The following ANO2 variants were observed in gnomAD, a reference collection of about 807,000 sequenced individuals.
ANO2 encodes anoctamin-2.
A neutral mutation model predicts 124.2 loss-of-function variants in ANO2; 101 were observed. The ratio of observed to expected loss-of-function variants is 0.81; its 90% confidence interval spans 0.69 to 0.96. ANO2 has a LOEUF of 0.96. Ranked by LOEUF, ANO2 falls within the 40% of genes least tolerant of loss-of-function variation. The pLI, the probability that ANO2 is intolerant of heterozygous loss-of-function variation, is 0.00. For synonymous variants in ANO2, 486 were observed against 482.5 expected, an observed-to-expected ratio of 1.01 and a Z score of -0.09; for missense variants, 1,293 against 1,274.5, an observed-to-expected ratio of 1.01 and a Z score of -0.22.
At chr12:5,930,416 A>C (rs2136315524) in intron 1 of ANO2, among the ~76,000 whole-genome samples, 1 of 152,236 alleles carries the variant, frequency 6.6e-6, no homozygotes, top group South Asian at 2.1e-4. Context: ...GAAGGCCAGC[A>C]GTGGATGAGT....
intron 14 of ANO2, among the ~76,000 whole-genome samples, chr12:5,700,506 T>C (rs1949359749): frequency 1.3e-5 from 2 of 151,940 alleles, no homozygotes; most frequent in Admixed American, 1.3e-4. Context: ...CTAAAATCAA[T>C]ACCCTAACAT....
intron 16 of ANO2, among the ~76,000 whole-genome samples, chr12:5,625,428 G>A (rs1945348950): frequency 6.6e-6 from 1 of 152,070 alleles, no homozygotes; most frequent in Admixed American, 6.6e-5. Flanking sequence ...GAAAGAGAGA[G>A]CCAGGATAGC....
chr12:5,635,288 G>A lies in ANO2; in HGVS notation c.1680C>T (p.Ala560=), dbSNP rs370127571. The change falls in exon 16 of 25, where the codon GCC becomes GCT. Residue 560 remains alanine, a synonymous_variant. Transcript: ENST00000682330. The surrounding 1 kb of genome is among the most constrained non-coding windows in gnomAD (Gnocchi z 5.2). ...GVIVYRITTA[A]ALSLNKATRS... The stretch of plus-strand genomic sequence containing the variant: ...GTGTAGCCTTATTGAGAGACAGAGC[G>A]GCTGCAGTTGTTATTCGATACACTA... 5.1e-5 allele frequency: 82 copies of A among 1,609,154 alleles called. No homozygotes were observed. Among genetic ancestry groups the A allele is most frequent in the African/African-American group, 9.4e-5 (7 of 74,546 alleles).
chr12:5,901,460 G>A (rs1214737439), intron 3 of ANO2, among the ~76,000 whole-genome samples: 6 of 152,168 alleles, frequency 3.9e-5, no homozygotes, highest in South Asian at 2.1e-4. Flanking sequence ...AGAAAGGTTC[G>A]GGTCAGACTC....
chr12:5,589,178 T>C (rs746026625), intron 20 of ANO2, among the ~76,000 whole-genome samples: 3 of 152,166 alleles, frequency 2.0e-5, no homozygotes, highest in Non-Finnish European at 4.4e-5. Context: ...AACTTCATCT[T>C]CTCTCCCACC....
rs117819819 is a variant in ANO2 at position 5,821,787 on chromosome 12, T to C, written c.892+5982A>G. Among the ~76,000 whole-genome samples, 351 of 152,246 alleles carry C rather than the reference T, an allele frequency of 2.3e-3. 3 individuals carry two copies. The highest frequency in any genetic ancestry group is 3.6e-3 in the Non-Finnish European group (243 of 68,008). On this transcript the variant is annotated intron_variant, in intron 7 of 24. Coordinates refer to ENST00000682330, the MANE Select transcript of ANO2 (RefSeq NM_001364791.2). ...CCTTCTGACCCATCTAACCATAAAG[T>C]GGGTCATGAACAGCAGCATTCCATC...
intron 14 of ANO2, among the ~76,000 whole-genome samples, chr12:5,716,072 G>A (rs1406106372): frequency 6.6e-6 from 1 of 152,078 alleles, no homozygotes; most frequent in African/African-American, 2.4e-5. Context: ...ATTAAAAAAG[G>A]GTTATAGTGG....
chr12:5,711,742 G>A (rs553081301), intron 14 of ANO2, among the ~76,000 whole-genome samples: 8 of 152,240 alleles, frequency 5.3e-5, no homozygotes, highest in South Asian at 2.1e-4. Flanking sequence ...TAATGTGCAC[G>A]CAATCATCAT....
chr12:5,758,350 G>A (rs1311696503), intron 10 of ANO2, among the ~76,000 whole-genome samples: 1 of 152,168 alleles, frequency 6.6e-6, no homozygotes, highest in Admixed American at 6.5e-5. Flanking sequence ...CTAAGAAACC[G>A]TCATTTCTGA....
intron 10 of ANO2, among the ~76,000 whole-genome samples, chr12:5,752,535 A>G (rs1429272018): frequency 6.6e-6 from 1 of 151,966 alleles, no homozygotes; most frequent in African/African-American, 2.4e-5. Context: ...TAGGTCCTTT[A>G]CTTAATTTTT....
intron 4 of ANO2, among the ~76,000 whole-genome samples, chr12:5,849,923 G>A (rs535888314): frequency 1.5e-4 from 23 of 152,200 alleles, no homozygotes; most frequent in Admixed American, 1.3e-3. Context: ...CACAGACAGC[G>A]AGTCTCGTCT....
intron 15 of ANO2, among the ~76,000 whole-genome samples, chr12:5,637,682 TC>T (rs776597170): frequency 2.0e-5 from 3 of 152,168 alleles, no homozygotes; most frequent in Non-Finnish European, 2.9e-5. Context: ...AGCACTGTTC[TC>T]CTTATCTAGA....
At chr12:5,707,842 A>G (rs184655968) in intron 14 of ANO2, among the ~76,000 whole-genome samples, 1 of 152,194 alleles carries the variant, frequency 6.6e-6, no homozygotes, top group Admixed American at 6.5e-5. Context: ...TTTCTAAATG[A>G]TATGTTCTAA....
chr12:5,598,954 C>T (rs757406986), intron 20 of ANO2, among the ~76,000 whole-genome samples: 19 of 90,658 alleles, frequency 2.1e-4, no homozygotes, highest in South Asian at 3.9e-4. Context: ...CACTCCCTAC[C>T]GAAATAGACC....
chr12:5,590,879 G>T (rs1311493616), intron 20 of ANO2, among the ~76,000 whole-genome samples: 3 of 152,116 alleles, frequency 2.0e-5, no homozygotes, highest in Non-Finnish European at 4.4e-5. Flanking sequence ...TCATGATAAG[G>T]CAGATTAACA....
intron 20 of ANO2, among the ~76,000 whole-genome samples, chr12:5,597,184 T>C (rs1196099111): frequency 2.0e-5 from 3 of 152,170 alleles, no homozygotes; most frequent in Non-Finnish European, 2.9e-5. Context: ...TTGTACAGAT[T>C]ATTTCATCAC....
intron 14 of ANO2, among the ~76,000 whole-genome samples, chr12:5,705,715 A>G (rs1208093156): frequency 6.6e-6 from 1 of 152,256 alleles, no homozygotes; most frequent in Non-Finnish European, 1.5e-5. Context: ...TCTCCAAAAC[A>G]TATCATAACT....
At chr12:5,807,255 T>C (rs1462554635) in intron 8 of ANO2, 58 bp downstream of exon 8, 10 of 1,453,354 alleles carry the variant, frequency 6.9e-6, no homozygotes, top group Middle Eastern at 1.7e-4. Context: ...CACTGAAAAG[T>C]TGTGGTTTTC....
chr12:5,846,656 T>G (rs1565718470), intron 4 of ANO2, among the ~76,000 whole-genome samples: 1 of 152,240 alleles, frequency 6.6e-6, no homozygotes, highest in African/African-American at 2.4e-5. Context: ...AATTATTTCT[T>G]GACTCTTCCA....
Sources: allele counts gnomAD v4.1 joint callset (sites outside exome capture counted in the v4.1 genomes callset), GRCh38; gene constraint gnomAD v4.1.1; non-coding constraint Gnocchi (gnomAD v3.1); transcripts MANE v1.5; gene names NCBI Gene and HGNC (gene_info 2026-07-23, HGNC 2026-07-21).